MARCO: variants seen among roughly 807,000 people sequenced by gnomAD.
MARCO encodes macrophage receptor MARCO.
Under a neutral mutation model 70.0 loss-of-function variants are expected in MARCO, and 72 were observed. The ratio of observed to expected loss-of-function variants is 1.03; its 90% confidence interval spans 0.85 to 1.25. MARCO has a LOEUF of 1.25. MARCO is among the 50% of genes most tolerant of loss of function. MARCO has a pLI of 0.00. For missense variants in MARCO, 696 were observed against 659.3 expected, an observed-to-expected ratio of 1.06 and a Z score of -0.61; for synonymous variants, 273 against 243.1, an observed-to-expected ratio of 1.12 and a Z score of -1.14.
intron 8 of MARCO, among the ~76,000 whole-genome samples, chr2:118,979,158 G>A (rs1271114960): frequency 6.6e-6 from 1 of 152,168 alleles, no homozygotes; most frequent in African/African-American, 2.4e-5. Flanking sequence ...CCCTTAGTAG[G>A]GATGTGTCAG....
chr2:118,956,218 A>G (rs149761995), intron 1 of MARCO, among the ~76,000 whole-genome samples: 17 of 152,288 alleles, frequency 1.1e-4, no homozygotes, highest in African/African-American at 4.1e-4. Context: ...TAAGAACTCA[A>G]CAACCAACTA....
At position 118,992,805 on chromosome 2, in the gene MARCO, T is replaced by C. The variant is rs564417958; in HGVS notation, c.1253-319T>C. ...CCTTTCCCTCTCTCTCTCCATTCTTTCCTTCCTTCCTTCTCTTTTCTCAGC... is the reference window on the plus strand; with the variant it reads ...CCTTTCCCTCTCTCTCTCCATTCTTCCCTTCCTTCCTTCTCTTTTCTCAGC... On this transcript the variant is annotated intron_variant, in intron 15 of 16. Coordinates refer to ENST00000327097, the MANE Select transcript of MARCO (RefSeq NM_006770.4). 1.5e-3 allele frequency among the ~76,000 whole-genome samples: 221 copies of C among 151,470 alleles called. 2 individuals carry two copies. The highest frequency in any genetic ancestry group is 5.1e-3 in the African/African-American group (210 of 41,268).
intron 13 of MARCO, 100 bp from the exon 14 acceptor site, chr2:118,991,677 G>C (rs1680623571): frequency 3.1e-6 from 2 of 648,998 alleles, no homozygotes; most frequent in Non-Finnish European, 2.6e-6. Flanking sequence ...GGGGAGGTCT[G>C]GCAGTTAAGG....
intron 8 of MARCO, among the ~76,000 whole-genome samples, chr2:118,978,492 G>A (rs1680329230): frequency 6.6e-6 from 1 of 152,212 alleles, no homozygotes; most frequent in Admixed American, 6.5e-5. Flanking sequence ...TATGGGCTCT[G>A]GACTTGACTG....
chr2:118,981,677 G>A, intron 10 of MARCO, 21 bp downstream of exon 10: 1 of 1,611,782 alleles, frequency 6.2e-7, no homozygotes, highest in African/African-American at 1.3e-5. Flanking sequence ...CAGGAATCTG[G>A]GCATCATCCC....
chr2:118,974,349 G>C lies in MARCO; in HGVS notation c.477G>C (p.Lys159Asn). 6.2e-7 allele frequency: 1 copy of C among 1,602,800 alleles called. No homozygotes were observed. The highest frequency in any genetic ancestry group is 1.1e-5 in the South Asian group (1 of 88,766). ...CTTCCTCAGGTCTTCAAGGTCACAA[G>C]GGGGCCATGGGCATGCCTGGTGCCC... ...EQGAPGLQGH[K>N]GAMGMPGAPG... The change falls in exon 5 of 17, where the codon AAG becomes AAC. Residue 159 changes from lysine to asparagine, a missense_variant. Lys to Asn is a moderately conservative substitution (Grantham distance 94). Coordinates refer to ENST00000327097, the MANE Select transcript of MARCO (RefSeq NM_006770.4).
chr2:118,960,993 G>T (rs1368029406), intron 1 of MARCO, among the ~76,000 whole-genome samples: 2 of 152,064 alleles, frequency 1.3e-5, no homozygotes, highest in Non-Finnish European at 2.9e-5. Context: ...TGCAGTGTTT[G>T]GTTTTCTGTT....
intron 13 of MARCO, among the ~76,000 whole-genome samples, chr2:118,991,085 C>T (rs1239320021): frequency 6.6e-6 from 1 of 152,130 alleles, no homozygotes; most frequent in East Asian, 1.9e-4. Flanking sequence ...TTCTTATCCT[C>T]ACCTCCAGAG....
intron 12 of MARCO, among the ~76,000 whole-genome samples, chr2:118,986,639 A>G (rs922007963): frequency 2.3e-5 from 1 of 44,042 alleles, no homozygotes. Flanking sequence ...GAAAGAAAGA[A>G]AGAAAGAAAG....
At chr2:118,961,337 G>A (rs1558833344) in intron 1 of MARCO, among the ~76,000 whole-genome samples, 1 of 152,212 alleles carries the variant, frequency 6.6e-6, no homozygotes, top group Non-Finnish European at 1.5e-5. Context: ...CCCACCAACA[G>A]TGTAAAAGTG....
At chr2:118,966,354 G>A (rs1028401960) in intron 1 of MARCO, among the ~76,000 whole-genome samples, 2 of 152,094 alleles carry the variant, frequency 1.3e-5, no homozygotes, top group Non-Finnish European at 2.9e-5. Context: ...CTCATGTCAA[G>A]CAGCTCTTCC....
chr2:118,945,399 T>A (rs1679576168), intron 1 of MARCO, among the ~76,000 whole-genome samples: 2 of 137,470 alleles, frequency 1.5e-5, no homozygotes, highest in African/African-American at 5.5e-5. Context: ...CGGAACCTCT[T>A]GTTTCTTTTT....
chr2:118,986,022 T>A (rs1296816447), intron 12 of MARCO, among the ~76,000 whole-genome samples: 1 of 152,228 alleles, frequency 6.6e-6, no homozygotes, highest in African/African-American at 2.4e-5. Flanking sequence ...CCCTATGTCA[T>A]GAATATAATT....
Position 118,971,481 on chromosome 2 carries a change from A to T in MARCO, c.425-18A>T. 15 of 1,613,308 alleles carry T rather than the reference A, an allele frequency of 9.3e-6. No individual in the cohort carries two copies. Among genetic ancestry groups the T allele is most frequent in the Non-Finnish European group, 1.3e-5 (15 of 1,179,576 alleles). On this transcript the variant is annotated intron_variant, in intron 3 of 16. Coordinates refer to ENST00000327097, the MANE Select transcript of MARCO (RefSeq NM_006770.4). ...GTACCCCACAGCTCAGCTGCAGCTC[A>T]CTCTCCTTCCCTTGCAGGGATGTTC...
chr2:118,974,926 T>A (rs891187501), intron 6 of MARCO, among the ~76,000 whole-genome samples: 7 of 152,160 alleles, frequency 4.6e-5, no homozygotes, highest in Non-Finnish European at 7.4e-5. Flanking sequence ...CACATGCACC[T>A]CCACCTTGGA....
chr2:118,984,814 G>A (rs192228364), intron 12 of MARCO, among the ~76,000 whole-genome samples: 27 of 152,242 alleles, frequency 1.8e-4, no homozygotes, highest in African/African-American at 4.3e-4. Flanking sequence ...TCAGGATGTC[G>A]GTATTCCCCA....
At chr2:118,971,863 A>G (rs897053529) in intron 4 of MARCO, among the ~76,000 whole-genome samples, 2 of 152,192 alleles carry the variant, frequency 1.3e-5, no homozygotes, top group African/African-American at 4.8e-5. Flanking sequence ...CATTCCTTCC[A>G]GGTGACTCTT....
chr2:118,954,251 C>T (rs1679784942), intron 1 of MARCO, among the ~76,000 whole-genome samples: 1 of 152,136 alleles, frequency 6.6e-6, no homozygotes, highest in Non-Finnish European at 1.5e-5. Flanking sequence ...GTAAGACTGG[C>T]CCTTTGGTTT....
In MARCO at chr2:118,950,515, C is replaced by G. The variant is rs543971182; in HGVS notation, c.97+8118C>G. Among the ~76,000 whole-genome samples, 12 of 152,236 alleles carry G rather than the reference C, an allele frequency of 7.9e-5. No homozygotes were observed. In the South Asian group the frequency reaches 1.5e-3, roughly 18 times the overall value. The stretch of plus-strand genomic sequence containing the variant: ...CACATTCTTATGCCTCCTTATAATC[C>G]TTTTACCAAAAGTTTATTTTGCTTT... On this transcript the variant is annotated intron_variant, in intron 1 of 16. Coordinates refer to ENST00000327097, the MANE Select transcript of MARCO (RefSeq NM_006770.4).
Sources: allele counts gnomAD v4.1 joint callset (sites outside exome capture counted in the v4.1 genomes callset), GRCh38; gene constraint gnomAD v4.1.1; transcripts MANE v1.5; gene names NCBI Gene and HGNC (gene_info 2026-07-23, HGNC 2026-07-21).